The following SORCS2 variants were observed in gnomAD, a reference collection of about 807,000 sequenced individuals.
The protein encoded by SORCS2 is VPS10 domain-containing receptor SorCS2.
A neutral mutation model predicts 141.6 loss-of-function variants in SORCS2; 100 were observed. The observed-to-expected ratio is 0.71, with a 90% confidence interval of 0.60 to 0.83. SORCS2 has a LOEUF of 0.83. Among genes scored for constraint, SORCS2 ranks in the 40% least tolerant of loss-of-function variants. SORCS2 has a pLI of 0.00. For missense variants in SORCS2, 1,646 were observed against 1,560.2 expected, an observed-to-expected ratio of 1.05 and a Z score of -0.93; for synonymous variants, 789 against 676.9, an observed-to-expected ratio of 1.17 and a Z score of -2.57.
At chr4:7,575,477 A>AT (rs1715689458) in intron 3 of SORCS2, among the ~76,000 whole-genome samples, 3 of 152,172 alleles carry the variant, frequency 2.0e-5, no homozygotes, top group Non-Finnish European at 2.9e-5. Context: ...CAACTGCTAC[A>AT]TTTTTATTGG....
chr4:7,643,320 C>T (rs1720861133), intron 4 of SORCS2, among the ~76,000 whole-genome samples: 1 of 152,242 alleles, frequency 6.6e-6, no homozygotes, highest in South Asian at 2.1e-4. Context: ...TTCCTGGGGG[C>T]TGCTGACATG....
At chr4:7,513,331 C>T (rs553643642) in intron 2 of SORCS2, among the ~76,000 whole-genome samples, 1 of 151,074 alleles carries the variant, frequency 6.6e-6, no homozygotes, top group South Asian at 2.1e-4. Flanking sequence ...TGGCAAAGCA[C>T]CTGCCCCCCA....
intron 2 of SORCS2, among the ~76,000 whole-genome samples, chr4:7,429,522 C>T (rs185896587): frequency 5.3e-5 from 8 of 152,354 alleles, no homozygotes; most frequent in Admixed American, 5.2e-4. Flanking sequence ...AAAAATATAA[C>T]AATGAAAATG....
At chr4:7,422,856 A>G (rs1370876117) in intron 2 of SORCS2, among the ~76,000 whole-genome samples, 1 of 151,880 alleles carries the variant, frequency 6.6e-6, no homozygotes, top group Non-Finnish European at 1.5e-5. Flanking sequence ...CTAATAACTG[A>G]CCCAGGGCTT....
chr4:7,379,216 G>T (rs925646111), intron 1 of SORCS2, among the ~76,000 whole-genome samples: 1 of 152,112 alleles, frequency 6.6e-6, no homozygotes, highest in Admixed American at 6.5e-5. Flanking sequence ...TTCAGAAATC[G>T]CACCTGTGCT....
intron 2 of SORCS2, among the ~76,000 whole-genome samples, chr4:7,439,531 C>T (rs771972095): frequency 6.6e-6 from 1 of 152,234 alleles, no homozygotes; most frequent in Non-Finnish European, 1.5e-5. Context: ...ACACCCTAGT[C>T]AAGGGGCAGA....
rs1406684489 is a variant in SORCS2 at position 7,247,279 on chromosome 4, C to T, written c.480+54153C>T. Among the ~76,000 whole-genome samples the T allele has an allele frequency of 5.3e-5, 8 of 152,010 alleles. No homozygotes were observed. The East Asian group carries it at 1.5e-3, about 29-fold the overall frequency. On this transcript the variant is annotated intron_variant, in intron 1 of 26. Coordinates refer to ENST00000507866, the MANE Select transcript of SORCS2 (RefSeq NM_020777.3). ...GCCCAATGTGACTAAGAATTACATA[C>T]TGTAAACGGATGTTTCTATCTTTAA... is the stretch of plus-strand genomic sequence containing the variant.
intron 1 of SORCS2, among the ~76,000 whole-genome samples, chr4:7,334,412 C>G (rs1469361453): frequency 6.6e-6 from 1 of 152,144 alleles, no homozygotes; most frequent in Non-Finnish European, 1.5e-5. Context: ...CACAGCCCCC[C>G]AGGGGCTGGT....
At chr4:7,604,795 G>A (rs1381729801) in intron 3 of SORCS2, among the ~76,000 whole-genome samples, 1 of 152,082 alleles carries the variant, frequency 6.6e-6, no homozygotes, top group East Asian at 1.9e-4. Flanking sequence ...TTTCTTTATA[G>A]CAGTGTGAGA....
intron 2 of SORCS2, among the ~76,000 whole-genome samples, chr4:7,405,219 A>G (rs542229120): frequency 1.3e-5 from 2 of 151,966 alleles, no homozygotes; most frequent in South Asian, 2.1e-4. Context: ...TTATGTGTCT[A>G]TTTGTATAAC....
At chr4:7,474,764 G>A (rs573261520) in intron 2 of SORCS2, among the ~76,000 whole-genome samples, 1 of 152,286 alleles carries the variant, frequency 6.6e-6, no homozygotes, top group Non-Finnish European at 1.5e-5. Context: ...TATAATAAAC[G>A]ACTGCCAGCT....
At chr4:7,698,293 C>T (rs148762645) in intron 12 of SORCS2, among the ~76,000 whole-genome samples, 17 of 152,334 alleles carry the variant, frequency 1.1e-4, no homozygotes, top group Non-Finnish European at 1.9e-4. Context: ...TTTACACGCC[C>T]GAGTACCCCA....
chr4:7,570,062 C>A (rs1231670931), intron 3 of SORCS2, among the ~76,000 whole-genome samples: 3 of 152,162 alleles, frequency 2.0e-5, no homozygotes, highest in African/African-American at 7.2e-5. Flanking sequence ...GAGAGCAGGG[C>A]CCCCATAAAT....
At chr4:7,725,080 G>A (rs1031866767) in intron 19 of SORCS2, 74 bp from the exon 20 acceptor site, 1 of 1,516,892 alleles carries the variant, frequency 6.6e-7, no homozygotes, top group African/African-American at 1.4e-5. Flanking sequence ...GCTGGTGACA[G>A]TGATCACTAA....
intron 3 of SORCS2, among the ~76,000 whole-genome samples, chr4:7,586,629 C>A (rs1375654572): frequency 6.6e-6 from 1 of 152,192 alleles, no homozygotes; most frequent in African/African-American, 2.4e-5. Flanking sequence ...TGGCTTCCAG[C>A]TCCATCCGTG....
intron 2 of SORCS2, among the ~76,000 whole-genome samples, chr4:7,450,210 G>C (rs1728350426): frequency 6.6e-6 from 1 of 152,228 alleles, no homozygotes; most frequent in African/African-American, 2.4e-5. Context: ...GGGTCTTTAA[G>C]GACCCCCTGT....
At chr4:7,460,886 G>A (rs2109322276) in intron 2 of SORCS2, among the ~76,000 whole-genome samples, 1 of 152,238 alleles carries the variant, frequency 6.6e-6, no homozygotes, top group Non-Finnish European at 1.5e-5. Flanking sequence ...GCTACACACG[G>A]CCAAGCTCGC....
chr4:7,697,522 T>C (rs1167927845), intron 12 of SORCS2, among the ~76,000 whole-genome samples: 2 of 152,062 alleles, frequency 1.3e-5, no homozygotes, highest in African/African-American at 4.8e-5. Flanking sequence ...TGGCCACTGA[T>C]AGGGAGTGAC....
At chr4:7,689,400 CAG>C (rs890353093) in intron 10 of SORCS2, 84 bp from the exon 11 acceptor site, 3 of 1,320,978 alleles carry the variant, frequency 2.3e-6, no homozygotes, top group Non-Finnish European at 3.1e-6. Flanking sequence ...CAAAAAGCCA[CAG>C]GGGCAGATTT....
Sources: gnomAD v4.1 joint callset for allele counts (sites outside exome capture counted in the v4.1 genomes callset) on GRCh38, gnomAD v4.1.1 for gene constraint, MANE v1.5 for transcripts, NCBI Gene and HGNC (gene_info 2026-07-23, HGNC 2026-07-21) for gene names.